The following SLC5A11 variants were observed in gnomAD, a reference collection of about 807,000 sequenced individuals.
SLC5A11 encodes sodium/myo-inositol cotransporter 2.
SLC5A11 carries 48 observed loss-of-function variants against 69.8 expected under a neutral mutation model. The observed-to-expected ratio is 0.69, with a 90% CI of 0.55 to 0.87. SLC5A11 has a LOEUF of 0.87. Ranked by LOEUF, SLC5A11 falls within the 40% of genes least tolerant of loss-of-function variation. The pLI is 0.00. For missense variants in SLC5A11, 784 were observed against 866.1 expected, an observed-to-expected ratio of 0.91 and a Z score of 1.19; for synonymous variants, 319 against 342.4, an observed-to-expected ratio of 0.93 and a Z score of 0.75.
chr16:24,891,067 C>T lies in SLC5A11; in HGVS notation c.863C>T (p.Thr288Met), dbSNP rs770972487. The T allele has an allele frequency of 8.7e-6, 14 of 1,613,848 alleles. No homozygotes were observed. Among genetic ancestry groups the T allele is most frequent in the South Asian group, 2.2e-5 (2 of 91,058 alleles). Residue 288 changes from threonine (T) to methionine (M), a missense_variant, in exon 9 of 16, where the codon ACG becomes ATG. This residue lies in a region of SLC5A11 where 550 missense variants were observed against 606.4 expected (regional missense o/e 0.91). Transcript: ENST00000347898. ...ATCCCATCCCTCTGGTACTGGTGCA[C>T]GGATCAGGTACAGGACAGTGGCCTG...
intron 10 of SLC5A11, among the ~76,000 whole-genome samples, chr16:24,901,958 G>GCACACACACACACACACACACACA (rs56126191): frequency 1.0e-4 from 14 of 136,576 alleles, no homozygotes; most frequent in African/African-American, 3.9e-4. Flanking sequence ...ACACACACAC[G>GCACACACACACACACACACACACA]CACACACACA....
intron 3 of SLC5A11, among the ~76,000 whole-genome samples, chr16:24,866,344 A>C (rs1417226183): frequency 2.0e-5 from 3 of 151,914 alleles, no homozygotes; most frequent in Non-Finnish European, 4.4e-5. Context: ...CAAACCTGTA[A>C]TCCCAGCACT....
intron 13 of SLC5A11, among the ~76,000 whole-genome samples, chr16:24,908,577 G>A (rs1171481218): frequency 3.5e-5 from 4 of 115,806 alleles, no homozygotes; most frequent in Middle Eastern, 8.2e-3. Context: ...CAGCCTGGGC[G>A]ACAGAGTGAG....
At chr16:24,907,938 T>C (rs2050194871) in intron 12 of SLC5A11, 25 bp from the exon 14 acceptor site, 3 of 1,612,516 alleles carry the variant, frequency 1.9e-6, no homozygotes, top group Non-Finnish European at 2.5e-6. Flanking sequence ...TGATGCTAAT[T>C]TGTGCCTCTC....
intron 8 of SLC5A11, among the ~76,000 whole-genome samples, chr16:24,888,289 A>C (rs1388818610): frequency 6.6e-6 from 1 of 152,146 alleles, no homozygotes; most frequent in Admixed American, 6.6e-5. Flanking sequence ...TGCCTGGGTC[A>C]CAAAGGAAGT....
At chr16:24,899,661 C>T (rs1408367117) in intron 10 of SLC5A11, among the ~76,000 whole-genome samples, 1 of 151,966 alleles carries the variant, frequency 6.6e-6, no homozygotes, top group Non-Finnish European at 1.5e-5. Context: ...CTTGGCCTCC[C>T]AAAGTGTTGG....
chr16:24,896,745 T>C (rs2049193458), intron 9 of SLC5A11, among the ~76,000 whole-genome samples: 1 of 152,072 alleles, frequency 6.6e-6, no homozygotes, highest in Non-Finnish European at 1.5e-5. Flanking sequence ...AGGTAGTATT[T>C]GAACCCAGAC....
At chr16:24,910,580 C>G in intron 15 of SLC5A11, 103 bp downstream of exon 16, 1 of 1,321,334 alleles carries the variant, frequency 7.6e-7, no homozygotes, top group Non-Finnish European at 1.0e-6. Context: ...AGTGGGCAGA[C>G]TTGGAGTTTT....
exon 2 of SLC5A11, chr16:24,858,663 GCCCTCAGCC>G: frequency 1.9e-6 from 3 of 1,610,476 alleles, no homozygotes; most frequent in Non-Finnish European, 2.5e-6. Flanking sequence ...GGCACCAGCA[GCCCTCAGCC>G]TCCACAGTTA....
Position 24,911,322 on chromosome 16 carries a change from T to C in SLC5A11, c.1823-6T>C. 1.9e-6 allele frequency: 3 copies of C among 1,613,800 alleles called. No homozygotes were observed. The highest frequency in any genetic ancestry group is 2.5e-6 in the Non-Finnish European group (3 of 1,180,016). On this transcript the variant is annotated splice_region_variant and splice_polypyrimidine_tract_variant and intron_variant, in intron 15 of 15. Coordinates refer to ENST00000347898, the Ensembl canonical transcript of SLC5A11. The stretch of plus-strand genomic sequence containing the variant: ...CTACGGTCTTCCTTTGCTGGGTTCT[T>C]TCTAGGTGACATGACCCCAAAGCAG...
Position 24,870,804 on chromosome 16 carries a change from AG to A in SLC5A11, c.312+802del, listed in dbSNP as rs199755373. Among the ~76,000 whole-genome samples the A allele has an allele frequency of 3.6e-3, 525 of 144,966 alleles. 5 individuals carry two copies. Among genetic ancestry groups the A allele is most frequent in the African/African-American group, 0.012 (480 of 39,226 alleles). ...CACAAAAAAAAAAAAAAAAAAAAAA[AG>A]GGTGTGTGAAGAAGAGGGCTCAGAT... On this transcript the variant is annotated intron_variant, in intron 4 of 15. Transcript: ENST00000347898.
At chr16:24,857,705 A>G (rs2059594679) in intron 1 of SLC5A11, among the ~76,000 whole-genome samples, 1 of 152,150 alleles carries the variant, frequency 6.6e-6, no homozygotes, top group South Asian at 2.1e-4. Context: ...CATGGGGCCC[A>G]CCCAGTTAAT....
chr16:24,867,066 C>T (rs1469330689), intron 3 of SLC5A11, among the ~76,000 whole-genome samples: 2 of 152,170 alleles, frequency 1.3e-5, no homozygotes, highest in South Asian at 4.1e-4. Context: ...CATCCAACAA[C>T]AGCAAAATAC....
Position 24,873,247 on chromosome 16 carries a change from G to GAGGAAGGAAGGAAGGAAGGA in SLC5A11, c.372+1066_372+1085dup, listed in dbSNP as rs549215226. On this transcript the variant is annotated intron_variant, in intron 5 of 15. Transcript: ENST00000347898. ...AAAGGAAGGAATGGAGAGAGGGAGG[G>GAGGAAGGAAGGAAGGAAGGA]AGGAAGGAAGGAAGGAAGGAAGGAA... 1.9e-4 allele frequency among the ~76,000 whole-genome samples: 19 copies of GAGGAAGGAAGGAAGGAAGGA among 101,488 alleles called. 1 individual carries two copies. Among genetic ancestry groups the GAGGAAGGAAGGAAGGAAGGA allele is most frequent in the South Asian group, 4.3e-4 (1 of 2,324 alleles). The allele number at this position is 101,488 out of a possible 152,430, so 66.6% of individuals were successfully genotyped here.
intron 7 of SLC5A11, among the ~76,000 whole-genome samples, chr16:24,881,526 G>A (rs957844689): frequency 6.6e-6 from 1 of 152,124 alleles, no homozygotes; most frequent in Non-Finnish European, 1.5e-5. Context: ...GGCCTCAAGT[G>A]ATCCGCCTGC....
chr16:24,905,664 A>G (rs1019582618), intron 10 of SLC5A11, among the ~76,000 whole-genome samples: 17 of 151,678 alleles, frequency 1.1e-4, no homozygotes, highest in African/African-American at 3.6e-4. Flanking sequence ...ACACACACAC[A>G]CACACACACA....
At chr16:24,863,497 C>T (rs1445875988) in intron 3 of SLC5A11, among the ~76,000 whole-genome samples, 1 of 152,160 alleles carries the variant, frequency 6.6e-6, no homozygotes, top group Non-Finnish European at 1.5e-5. Flanking sequence ...CTGGAAGTCA[C>T]TTCTACCACA....
intron 4 of SLC5A11, among the ~76,000 whole-genome samples, chr16:24,871,764 C>G (rs945452227): frequency 7.9e-5 from 12 of 152,042 alleles, no homozygotes; most frequent in African/African-American, 2.9e-4. Flanking sequence ...CACTGATATG[C>G]CCATTTTCCA....
chr16:24,904,797 G>A (rs2049895668), intron 10 of SLC5A11, among the ~76,000 whole-genome samples: 2 of 152,036 alleles, frequency 1.3e-5, no homozygotes, highest in African/African-American at 4.8e-5. Context: ...TAAACTTTAA[G>A]TTCTGGGATA....
Sources: gnomAD v4.1 joint callset for allele counts (sites outside exome capture counted in the v4.1 genomes callset) on GRCh38, gnomAD v4.1.1 for gene constraint, gnomAD v4.1.1 regional missense constraint, MANE v1.5 for transcripts, NCBI Gene and HGNC (gene_info 2026-07-23, HGNC 2026-07-21) for gene names.